YWHAQ: variants seen among roughly 807,000 people sequenced by gnomAD.
The protein encoded by YWHAQ is 14-3-3 protein theta.
YWHAQ carries 6 observed loss-of-function variants against 28.3 expected under a neutral mutation model. The observed-to-expected ratio is 0.21, with a 90% CI of 0.12 to 0.42. The LOEUF (loss-of-function observed/expected upper bound fraction) is 0.42, where lower values mean the gene tolerates loss of function less well. YWHAQ is among the 10% of genes least tolerant of loss of function. YWHAQ has a pLI of 1.00. For missense variants in YWHAQ, 201 were observed against 305.6 expected, an observed-to-expected ratio of 0.66 and a Z score of 2.55; for synonymous variants, 143 against 119.1, an observed-to-expected ratio of 1.20 and a Z score of -1.31.
intron 2 of YWHAQ, among the ~76,000 whole-genome samples, chr2:9,611,085 T>C (rs535029295): frequency 1.3e-5 from 2 of 152,314 alleles, no homozygotes; most frequent in East Asian, 1.9e-4. Context: ...CCCTTCTCTT[T>C]AGAGCCACTG....
Position 9,630,442 on chromosome 2 carries a change from G to A in YWHAQ, c.11C>T (p.Thr4Ile). 2 of 1,607,702 alleles carry A rather than the reference G, an allele frequency of 1.2e-6. No homozygotes were observed. The highest frequency in any genetic ancestry group is 8.5e-7 in the Non-Finnish European group (1 of 1,178,422). The change falls in exon 2 of 6, where the codon ACT becomes ATT. Residue 4 changes from threonine (T) to isoleucine (I), a missense_variant. By Grantham distance (89) the Thr-to-Ile change is moderately conservative. This residue lies in a region of YWHAQ where 162 missense variants were observed against 213.9 expected (regional missense o/e 0.76). Transcript: ENST00000238081. This position sits in a 1 kb window ranked among gnomAD's most constrained non-coding sequence, Gnocchi z 5.6. The stretch of plus-strand genomic sequence containing the variant: ...CAGCTTGGCCTTCTGGATCAGCTCA[G>A]TCTTCTCCATGGCGGGCGCGGGGCC... Reference protein sequence around the residue: MEKTELIQKAKLAE... With the variant: MEKIELIQKAKLAE...
intron 2 of YWHAQ, among the ~76,000 whole-genome samples, chr2:9,628,456 G>T (rs1205940368): frequency 6.6e-6 from 1 of 152,188 alleles, no homozygotes; most frequent in African/African-American, 2.4e-5. Context: ...AAAATAAAAC[G>T]AATATTCCTT....
At chr2:9,629,335 T>C (rs1160300778) in intron 2 of YWHAQ, among the ~76,000 whole-genome samples, 1 of 152,214 alleles carries the variant, frequency 6.6e-6, no homozygotes, top group Non-Finnish European at 1.5e-5. Context: ...TAAAAACTTA[T>C]CCTACGGATC....
chr2:9,597,634 C>CAAAAAAA (rs562319001), intron 2 of YWHAQ, among the ~76,000 whole-genome samples: 42 of 74,992 alleles, frequency 5.6e-4, no homozygotes, highest in African/African-American at 8.3e-4. Context: ...AACTCCGTCT[C>CAAAAAAA]AAAAAAAAAA....
intron 2 of YWHAQ, among the ~76,000 whole-genome samples, chr2:9,612,305 G>C (rs905190081): frequency 1.1e-4 from 17 of 152,042 alleles, no homozygotes; most frequent in African/African-American, 3.9e-4. Flanking sequence ...ATTCCATTGC[G>C]GGCACGTTAA....
chr2:9,612,859 G>A (rs1356647733), intron 2 of YWHAQ, among the ~76,000 whole-genome samples: 2 of 152,180 alleles, frequency 1.3e-5, no homozygotes, highest in Non-Finnish European at 2.9e-5. Flanking sequence ...TGGTCATGAA[G>A]GTCATCCAAC....
At chr2:9,613,293 T>C (rs1666985636) in intron 2 of YWHAQ, among the ~76,000 whole-genome samples, 1 of 152,168 alleles carries the variant, frequency 6.6e-6, no homozygotes, top group Admixed American at 6.5e-5. Flanking sequence ...TTTTGAGATT[T>C]AAGTCTAAAA....
At position 9,602,895 on chromosome 2, in the gene YWHAQ, A is replaced by G. The variant is rs1184466232; in HGVS notation, c.295-11380T>C. Among the ~76,000 whole-genome samples the G allele has an allele frequency of 3.9e-5, 4 of 101,412 alleles. 1 individual carries two copies. Among genetic ancestry groups the G allele is most frequent in the Non-Finnish European group, 7.8e-5 (4 of 51,054 alleles). 66.5% of individuals were successfully genotyped at this position (101,412 alleles called of 152,430 possible). On this transcript the variant is annotated intron_variant, in intron 2 of 5. Coordinates refer to ENST00000238081, the MANE Select transcript of YWHAQ (RefSeq NM_006826.4). ...TATATATATATATATATATATATAT[A>G]TATATATAGTAGGGACACAGTCTTG...
intron 2 of YWHAQ, among the ~76,000 whole-genome samples, chr2:9,618,808 C>T (rs1667086698): frequency 6.6e-6 from 1 of 151,928 alleles, no homozygotes; most frequent in Non-Finnish European, 1.5e-5. Flanking sequence ...GCCACCCTGC[C>T]CAGCCTATGT....
intron 2 of YWHAQ, among the ~76,000 whole-genome samples, chr2:9,621,189 T>C (rs1667136042): frequency 6.6e-6 from 1 of 152,212 alleles, no homozygotes; most frequent in Non-Finnish European, 1.5e-5. Flanking sequence ...AAAGGGGTCC[T>C]GAGATCAAAT....
intron 5 of YWHAQ, 43 bp from the exon 6 acceptor site, chr2:9,585,388 G>C (rs1280499758): frequency 1.2e-6 from 2 of 1,600,982 alleles, no homozygotes; most frequent in East Asian, 2.2e-5. Flanking sequence ...TTCTAGATTA[G>C]GCAATTACAC....
At chr2:9,587,894 A>C (rs1010936251) in intron 4 of YWHAQ, among the ~76,000 whole-genome samples, 1 of 152,152 alleles carries the variant, frequency 6.6e-6, no homozygotes, top group East Asian at 1.9e-4. Context: ...TGACTTTCTA[A>C]TCTTTTATGT....
chr2:9,585,593 T>A (rs1007477567), intron 5 of YWHAQ, among the ~76,000 whole-genome samples: 2 of 152,062 alleles, frequency 1.3e-5, no homozygotes, highest in East Asian at 3.9e-4. Flanking sequence ...TGGAGCATGG[T>A]TTTATAGCTT....
In YWHAQ at chr2:9,628,521, T is replaced by G. The variant is rs370385265; in HGVS notation, c.294+1638A>C. 2.0e-5 allele frequency among the ~76,000 whole-genome samples: 3 copies of G among 152,268 alleles called. No individual in the cohort carries two copies. In the East Asian group the frequency reaches 5.8e-4, roughly 29 times the overall value. ...GAAAAATCACGCGGTGATTCTGAAT[T>G]GCTTCAAGGTAACTAATTGAAAAGC... On this transcript the variant is annotated intron_variant, in intron 2 of 5. Transcript: ENST00000238081.
chr2:9,591,884 A>G (rs1666462065), intron 2 of YWHAQ, among the ~76,000 whole-genome samples: 1 of 152,242 alleles, frequency 6.6e-6, no homozygotes. Context: ...GCCCTCAAGA[A>G]GCTCACCGTC....
At chr2:9,585,573 CATAT>C (rs1666326303) in intron 5 of YWHAQ, among the ~76,000 whole-genome samples, 1 of 152,230 alleles carries the variant, frequency 6.6e-6, no homozygotes, top group African/African-American at 2.4e-5. Flanking sequence ...TACATACATA[CATAT>C]ACCACTGGAG....
chr2:9,614,693 T>C (rs1192507761), intron 2 of YWHAQ, among the ~76,000 whole-genome samples: 1 of 152,198 alleles, frequency 6.6e-6, no homozygotes. Context: ...ACAAGTATAC[T>C]TTGATTTGAG....
chr2:9,601,007 G>A (rs1013900812), intron 2 of YWHAQ, among the ~76,000 whole-genome samples: 3 of 152,208 alleles, frequency 2.0e-5, no homozygotes, highest in Non-Finnish European at 4.4e-5. Flanking sequence ...TTTATACACT[G>A]TAGGGAACCA....
intron 2 of YWHAQ, among the ~76,000 whole-genome samples, chr2:9,594,149 T>C (rs11674769): frequency 0.58 from 88,581 of 151,820 alleles, 28,201 homozygotes; most frequent in African/African-American, 0.81. Flanking sequence ...CACACCCAAA[T>C]TAAAGGCAAC....
Sources: allele counts gnomAD v4.1 joint callset (sites outside exome capture counted in the v4.1 genomes callset), GRCh38; gene constraint gnomAD v4.1.1; regional missense constraint gnomAD v4.1.1; non-coding constraint Gnocchi (gnomAD v3.1); transcripts MANE v1.5; gene names NCBI Gene and HGNC (gene_info 2026-07-23, HGNC 2026-07-21).